The following GPD1L variants were observed in gnomAD, a reference collection of about 807,000 sequenced individuals.
GPD1L encodes glycerol-3-phosphate dehydrogenase 1 like.
GPD1L carries 17 observed loss-of-function variants against 32.9 expected under a neutral mutation model. The observed-to-expected ratio is 0.52, with a 90% CI of 0.35 to 0.78. GPD1L has a LOEUF of 0.78. GPD1L is among the 30% of genes least tolerant of loss of function. The probability of loss-of-function intolerance (pLI) is 0.01; values close to 1 mark genes in which losing one functional copy is unlikely to be tolerated. For synonymous variants in GPD1L, 187 were observed against 165.9 expected, an observed-to-expected ratio of 1.13 and a Z score of -0.98; for missense variants, 361 against 447.8, an observed-to-expected ratio of 0.81 and a Z score of 1.75.
intron 1 of GPD1L, among the ~76,000 whole-genome samples, chr3:32,122,232 A>C (rs1232494073): frequency 6.6e-6 from 1 of 152,146 alleles, no homozygotes; most frequent in Non-Finnish European, 1.5e-5. Flanking sequence ...ATTTTCAATA[A>C]AAGACTCTAC....
chr3:32,109,723 A>T (rs191460333), intron 1 of GPD1L, among the ~76,000 whole-genome samples: 1 of 152,342 alleles, frequency 6.6e-6, no homozygotes, highest in African/African-American at 2.4e-5. Context: ...GTCAGTAGAC[A>T]TTTGAGTGTT....
rs191571799 is a variant in GPD1L, at chr3:32,161,652, G to A, written c.959+1978G>A. On this transcript the variant is annotated intron_variant, in intron 7 of 7. Coordinates refer to ENST00000282541, the MANE Select transcript of GPD1L (RefSeq NM_015141.4). ...TGGGCATTAGCCTGTTAGCTCCAGG[G>A]GGACATGGACTAGAATTGCGATTCT... is the stretch of plus-strand genomic sequence containing the variant. Among the ~76,000 whole-genome samples the A allele has an allele frequency of 5.3e-5, 8 of 152,324 alleles. No individual in the cohort carries two copies. The East Asian group carries it at 1.5e-3, about 29-fold the overall frequency.
In GPD1L at chr3:32,146,701, T is replaced by C; in HGVS notation, c.585T>C (p.Asp195=). The C allele has an allele frequency of 6.2e-7, 1 of 1,612,402 alleles. No individual in the cohort carries two copies. The highest frequency in any genetic ancestry group is 8.5e-7 in the Non-Finnish European group (1 of 1,178,394). ...ATTTTCGAATTACCGTGGTTGATGATGCAGACACTGTTGAACTCTGTGGTG... is the reference window on the plus strand; with the variant it reads ...ATTTTCGAATTACCGTGGTTGATGACGCAGACACTGTTGAACTCTGTGGTG... ...TPNFRITVVD[D]ADTVELCGAL... The change falls in exon 5 of 8, where the codon GAT becomes GAC. Residue 195 remains aspartate (D), a synonymous_variant. Coordinates refer to ENST00000282541, the MANE Select transcript of GPD1L (RefSeq NM_015141.4).
chr3:32,147,286 G>A (rs1404181742), intron 5 of GPD1L, among the ~76,000 whole-genome samples: 3 of 152,216 alleles, frequency 2.0e-5, no homozygotes, highest in Admixed American at 1.3e-4. Context: ...AAGTGGAACT[G>A]TACAGTATGC....
chr3:32,161,654 G>A (rs894985083), intron 7 of GPD1L, among the ~76,000 whole-genome samples: 2 of 152,164 alleles, frequency 1.3e-5, no homozygotes, highest in African/African-American at 2.4e-5. Context: ...GCTCCAGGGG[G>A]ACATGGACTA....
intron 1 of GPD1L, among the ~76,000 whole-genome samples, chr3:32,107,599 G>C (rs1700182766): frequency 6.6e-6 from 1 of 152,170 alleles, no homozygotes; most frequent in Non-Finnish European, 1.5e-5. Flanking sequence ...GGAGGGACTG[G>C]TGTACAATAG....
intron 6 of GPD1L, 31 bp from the exon 7 acceptor site, chr3:32,159,537 T>C (rs548662461): frequency 7.9e-7 from 1 of 1,265,092 alleles, no homozygotes; most frequent in South Asian, 1.2e-5. Flanking sequence ...TTACCATAGT[T>C]TTTTTAAATA....
intron 1 of GPD1L, among the ~76,000 whole-genome samples, chr3:32,107,680 G>C (rs558850211): frequency 6.6e-6 from 1 of 152,282 alleles, no homozygotes; most frequent in East Asian, 1.9e-4. Context: ...CATCAGAAGT[G>C]CTGCAGCAGC....
chr3:32,137,234 G>C (rs1303737316), intron 2 of GPD1L, among the ~76,000 whole-genome samples: 1 of 152,220 alleles, frequency 6.6e-6, no homozygotes, highest in Non-Finnish European at 1.5e-5. Context: ...GTCAGTTATA[G>C]TTAGGTTTAA....
chr3:32,138,965 C>G (rs1355196525), intron 3 of GPD1L, among the ~76,000 whole-genome samples: 2 of 152,106 alleles, frequency 1.3e-5, no homozygotes, highest in Non-Finnish European at 2.9e-5. Flanking sequence ...AGCTGTGCCG[C>G]CCCTTCCAGT....
intron 2 of GPD1L, 75 bp from the exon 3 acceptor site, chr3:32,138,512 C>T: frequency 7.5e-7 from 1 of 1,336,492 alleles, no homozygotes; most frequent in South Asian, 1.2e-5. Flanking sequence ...GATAAATGGT[C>T]AGTGAGTGAA....
At chr3:32,160,459 T>C (rs1177649516) in intron 7 of GPD1L, among the ~76,000 whole-genome samples, 1 of 10,686 alleles carries the variant, frequency 9.4e-5, no homozygotes, top group Non-Finnish European at 1.5e-4. Context: ...GGTGGGTGGG[T>C]GGGATGGGAT....
intron 1 of GPD1L, among the ~76,000 whole-genome samples, chr3:32,123,049 T>A (rs1700444996): frequency 6.6e-6 from 1 of 152,032 alleles, no homozygotes; most frequent in African/African-American, 2.4e-5. Context: ...GGACTACAGG[T>A]GCAGCCGCCA....
chr3:32,157,406 T>A (rs903295168), intron 5 of GPD1L, among the ~76,000 whole-genome samples: 1 of 152,150 alleles, frequency 6.6e-6, no homozygotes, highest in Non-Finnish European at 1.5e-5. Context: ...GATTGTCAGC[T>A]CCTTGAGGAC....
intron 7 of GPD1L, among the ~76,000 whole-genome samples, chr3:32,164,142 G>A (rs979542868): frequency 9.2e-5 from 14 of 152,210 alleles, no homozygotes; most frequent in Non-Finnish European, 1.8e-4. Context: ...GAAAGGCTAG[G>A]AAGGTGAGTA....
At chr3:32,120,607 G>A (rs1700398644) in intron 1 of GPD1L, among the ~76,000 whole-genome samples, 1 of 152,134 alleles carries the variant, frequency 6.6e-6, no homozygotes, top group Admixed American at 6.5e-5. Flanking sequence ...AATGAAGGAG[G>A]CAGTTAATGT....
At chr3:32,125,901 C>G (rs922241364) in intron 1 of GPD1L, among the ~76,000 whole-genome samples, 6 of 151,646 alleles carry the variant, frequency 4.0e-5, no homozygotes, top group African/African-American at 1.5e-4. Context: ...TCTTGATGAC[C>G]CCCCAAGAGT....
Position 32,121,467 on chromosome 3 carries a change from TTC to T in GPD1L, c.48-6603_48-6602del, listed in dbSNP as rs1188815951. Among the ~76,000 whole-genome samples the T allele has an allele frequency of 1.5e-4, 19 of 122,848 alleles. 2 individuals are homozygous for T. The highest frequency in any genetic ancestry group is 2.9e-4 in the African/African-American group (9 of 31,316). The allele number at this position is 122,848 out of a possible 152,430, so 80.6% of individuals were successfully genotyped here. A position where few individuals can be genotyped will look rare whatever the true frequency, so the allele number is the denominator to read the frequency against. On this transcript the variant is annotated intron_variant, in intron 1 of 7. Transcript: ENST00000282541. The stretch of plus-strand genomic sequence containing the variant: ...TATATATATTTCTCTCTATATATAT[TTC>T]TCTCTATATATATTTCTCTCTATAT...
intron 2 of GPD1L, among the ~76,000 whole-genome samples, chr3:32,134,896 TC>T (rs1700643104): frequency 6.6e-6 from 1 of 152,144 alleles, no homozygotes; most frequent in Non-Finnish European, 1.5e-5. Context: ...TTTGTTAAGG[TC>T]TTTGTAGTTT....
Sources: allele counts gnomAD v4.1 joint callset (sites outside exome capture counted in the v4.1 genomes callset), GRCh38; gene constraint gnomAD v4.1.1; transcripts MANE v1.5; gene names NCBI Gene and HGNC (gene_info 2026-07-23, HGNC 2026-07-21).